Variants in RABEP1 observed in about 807,000 individuals in gnomAD.
The protein encoded by RABEP1 is rabaptin, RAB GTPase binding effector protein 1, also known as rab GTPase-binding effector protein 1.
In RABEP1, 51 loss-of-function variants were observed where a neutral mutation model predicts 123.4. The ratio of observed to expected loss-of-function variants is 0.41; its 90% CI spans 0.33 to 0.52. The LOEUF (loss-of-function observed/expected upper bound fraction) is 0.52. RABEP1 is among the 20% of genes least tolerant of loss of function. RABEP1 has a pLI of 0.16. For synonymous variants in RABEP1, 347 were observed against 355.2 expected (o/e 0.98, Z 0.26); for missense variants, 888 against 996.3 (o/e 0.89, Z 1.46).
intron 4 of RABEP1, among the ~76,000 whole-genome samples, chr17:5,336,020 T>C (rs912490401): frequency 6.6e-6 from 1 of 152,338 alleles, no homozygotes; most frequent in East Asian, 1.9e-4. Context: ...CATAATACCA[T>C]ATAATACTTG....
intron 5 of RABEP1, among the ~76,000 whole-genome samples, chr17:5,342,983 AGT>A (rs1231935018): frequency 6.6e-6 from 1 of 152,020 alleles, no homozygotes; most frequent in Admixed American, 6.5e-5. Context: ...TTTTTGGCTG[AGT>A]GTGGTGGCTC....
Position 5,377,120 on chromosome 17 carries a change from T to G in RABEP1, c.2030T>G (p.Leu677Arg). ...DFILPDTTEA[L>R]RELVLKYRED... is the part of the protein sequence containing the mutation. Reference sequence around the variant, plus strand: ...TCATTTGTTTCTTGAATCCAGGCACTGCGGGAGTTGGTATTAAAATACCGT... The same window carrying G: ...TCATTTGTTTCTTGAATCCAGGCACGGCGGGAGTTGGTATTAAAATACCGT... Residue 677 changes from leucine (L) to arginine (R), a missense_variant, in exon 14 of 18, where the codon CTG (leucine) becomes CGG (arginine). Transcript: ENST00000537505. The G allele has an allele frequency of 6.3e-7, 1 of 1,595,988 alleles. No individual in the cohort carries two copies. Among genetic ancestry groups the G allele is most frequent in the South Asian group, 1.2e-5 (1 of 86,600 alleles).
intron 2 of RABEP1, among the ~76,000 whole-genome samples, chr17:5,310,227 A>T (rs1284335564): frequency 1.3e-5 from 2 of 150,602 alleles, no homozygotes; most frequent in Non-Finnish European, 2.9e-5. Context: ...GATGTTTAAA[A>T]TTTTTTGCTT....
chr17:5,365,281 G>A, intron 11 of RABEP1, 43 bp downstream of exon 11: 1 of 1,276,828 alleles, frequency 7.8e-7, no homozygotes, highest in South Asian at 1.7e-5. Context: ...GGGATGACTG[G>A]GTTATTTAAA....
At chr17:5,331,003 G>A (rs1204034078) in intron 2 of RABEP1, among the ~76,000 whole-genome samples, 3 of 148,312 alleles carry the variant, frequency 2.0e-5, no homozygotes, top group African/African-American at 5.0e-5. Flanking sequence ...CAGCCTGTGC[G>A]ACAATTGAGA....
Position 5,384,078 on chromosome 17 carries a change from G to A in RABEP1, c.*855G>A, listed in dbSNP as rs754294504. 6.0e-5 allele frequency: 13 copies of A among 214,968 alleles called. No individual in the cohort carries two copies. Among genetic ancestry groups the A allele is most frequent in the Middle Eastern group, 1.5e-3 (1 of 688 alleles). 13.3% of individuals were successfully genotyped at this position (214,968 alleles called of 1,614,324 possible). A position where few individuals can be genotyped will look rare whatever the true frequency, so the allele number is the denominator to read the frequency against. ...AACATTAGTATACGTTTTTAAATAGGCTAATTTTTCAACTTGGATCATTAG... is the reference window on the plus strand; with the variant it reads ...AACATTAGTATACGTTTTTAAATAGACTAATTTTTCAACTTGGATCATTAG... On this transcript the variant is annotated 3_prime_UTR_variant, in exon 18 of 18. Coordinates refer to ENST00000537505, the MANE Select transcript of RABEP1 (RefSeq NM_004703.6).
In RABEP1 at chr17:5,384,164, A is replaced by G. The variant is rs1167809611; in HGVS notation, c.*941A>G. The G allele has an allele frequency of 4.7e-6, 1 of 214,502 alleles. No individual in the cohort carries two copies. The highest frequency in any genetic ancestry group is 5.8e-5 in the Admixed American group (1 of 17,124). The allele number at this position is 214,502 out of a possible 1,614,324, so 13.3% of individuals were successfully genotyped here. ...AAAAATGGTAACTAGGTTGACAGAT[A>G]CTTTGTATTTTTCTTTTGAATTCAG... On this transcript the variant is annotated 3_prime_UTR_variant, in exon 18 of 18. Coordinates refer to ENST00000537505, the MANE Select transcript of RABEP1 (RefSeq NM_004703.6).
Position 5,354,454 on chromosome 17 carries a change from T to G in RABEP1, c.1059T>G (p.Thr353=). 2 of 1,612,674 alleles carry G rather than the reference T, an allele frequency of 1.2e-6. 1 individual carries two copies. Among genetic ancestry groups the G allele is most frequent in the South Asian group, 2.2e-5 (2 of 90,812 alleles). The change falls in exon 8 of 18, where the codon ACT becomes ACG. Residue 353 remains threonine, a synonymous_variant. Transcript: ENST00000537505. ...AAATACCAGTAGTGTGTGCTTTAAC[T>G]CAAGAAGAATCTTCAGCCCAGTTAT... ...EIKIPVVCAL[T]QEESSAQLSN... is the part of the protein sequence containing the mutation.
intron 7 of RABEP1, among the ~76,000 whole-genome samples, chr17:5,353,025 A>G (rs1908698416): frequency 6.6e-6 from 1 of 152,222 alleles, no homozygotes; most frequent in Admixed American, 6.5e-5. Context: ...GTTCTAGAAT[A>G]GTAAACAGGC....
chr17:5,373,907 A>G (rs2144715378), intron 13 of RABEP1, among the ~76,000 whole-genome samples: 1 of 152,138 alleles, frequency 6.6e-6, no homozygotes, highest in East Asian at 1.9e-4. Flanking sequence ...ACGTAGCCTT[A>G]ATGTTTTGAA....
chr17:5,287,930 A>G (rs2309346), intron 1 of RABEP1, among the ~76,000 whole-genome samples: 92,392 of 151,842 alleles, frequency 0.61, 29,818 homozygotes, highest in East Asian at 0.96. Flanking sequence ...AATCACTCTG[A>G]CTGCTGGATT....
At chr17:5,300,838 C>T (rs1237089812) in intron 1 of RABEP1, among the ~76,000 whole-genome samples, 1 of 152,116 alleles carries the variant, frequency 6.6e-6, no homozygotes, top group African/African-American at 2.4e-5. Flanking sequence ...TATGAAGTTG[C>T]TTACAGAGTC....
At chr17:5,380,300 T>G in intron 15 of RABEP1, 64 bp from the exon 16 acceptor site, 4 of 1,112,850 alleles carry the variant, frequency 3.6e-6, no homozygotes, top group Non-Finnish European at 5.2e-6. Flanking sequence ...TCTAGGCTCT[T>G]TTAGGTAGTG....
chr17:5,337,924 C>G lies in RABEP1; in HGVS notation c.529-95C>G, dbSNP rs909894091. On this transcript the variant is annotated intron_variant, in intron 4 of 17. Coordinates refer to ENST00000537505, the MANE Select transcript of RABEP1 (RefSeq NM_004703.6). Reference sequence around the variant, plus strand: ...ATTAATATAGTGTCTGGTCAAGTTACTTGTTATAATAATTTTTAGCAAATG... The same window carrying G: ...ATTAATATAGTGTCTGGTCAAGTTAGTTGTTATAATAATTTTTAGCAAATG... The G allele has an allele frequency of 3.7e-6, 5 of 1,355,250 alleles. No individual in the cohort carries two copies. The Admixed American group carries it at 7.5e-5, about 20-fold the overall frequency. 84.0% of individuals were successfully genotyped at this position (1,355,250 alleles called of 1,614,324 possible). A position where few individuals can be genotyped will look rare whatever the true frequency, so the allele number is the denominator to read the frequency against.
chr17:5,314,982 A>G (rs1783306465), intron 2 of RABEP1, among the ~76,000 whole-genome samples: 1 of 152,246 alleles, frequency 6.6e-6, no homozygotes, highest in Non-Finnish European at 1.5e-5. Context: ...ACAGAACAAA[A>G]GGCCATATAG....
rs143623250 is a variant in RABEP1 at position 5,349,995 on chromosome 17, G to T, written c.785-456G>T. ...GACTCTGCTTTAAAGAGATGGTGTGGGGATAGGTTGCCCCTTGGTCCAGCC... is the reference window on the plus strand; with the variant it reads ...GACTCTGCTTTAAAGAGATGGTGTGTGGATAGGTTGCCCCTTGGTCCAGCC... On this transcript the variant is annotated intron_variant, in intron 6 of 17. Coordinates refer to ENST00000537505, the MANE Select transcript of RABEP1 (RefSeq NM_004703.6). Among the ~76,000 whole-genome samples, 1,471 of 152,252 alleles carry T rather than the reference G, an allele frequency of 9.7e-3. 24 individuals are homozygous for T. Among genetic ancestry groups the T allele is most frequent in the African/African-American group, 0.033 (1,384 of 41,538 alleles).
In RABEP1 at chr17:5,330,989, A is replaced by AC. The variant is rs765147116; in HGVS notation, c.164-959dup. Among the ~76,000 whole-genome samples the AC allele has an allele frequency of 9.4e-5, 13 of 137,744 alleles. No homozygotes were observed. In the East Asian group the frequency reaches 2.7e-3, roughly 29 times the overall value. The allele number at this position is 137,744 out of a possible 152,430, so 90.4% of individuals were successfully genotyped here. On this transcript the variant is annotated intron_variant, in intron 2 of 17. Coordinates refer to ENST00000537505, the MANE Select transcript of RABEP1 (RefSeq NM_004703.6). ...TAGTGGTCTATGTTTGCGTCACTGC[A>AC]CTCCAGCCTGTGCGACAATTGAGAC...
At chr17:5,297,959 C>T (rs1461372850) in intron 1 of RABEP1, among the ~76,000 whole-genome samples, 2 of 152,230 alleles carry the variant, frequency 1.3e-5, no homozygotes, top group African/African-American at 4.8e-5. Context: ...TTAACATCAG[C>T]GTTCTTTCCT....
At position 5,380,422 on chromosome 17, in the gene RABEP1, T is replaced by A; in HGVS notation, c.2330T>A (p.Ile777Asn). The change falls in exon 16 of 18, where the codon ATC becomes AAC. Residue 777 changes from isoleucine to asparagine, a missense_variant. Coordinates refer to ENST00000537505, the MANE Select transcript of RABEP1 (RefSeq NM_004703.6). ...CTTGAGAGTCTTCAGGAAATAAAGA[T>A]CAGTTTGGAAGAGCAGTTAAAGAAA... ...QQLESLQEIK[I>N]SLEEQLKKET... 6.4e-7 allele frequency: 1 copy of A among 1,569,976 alleles called. No individual in the cohort carries two copies. Among genetic ancestry groups the A allele is most frequent in the Non-Finnish European group, 8.7e-7 (1 of 1,155,910 alleles).
Sources: gnomAD v4.1 joint callset for allele counts (sites outside exome capture counted in the v4.1 genomes callset) on GRCh38, gnomAD v4.1.1 for gene constraint, MANE v1.5 for transcripts, NCBI Gene and HGNC (gene_info 2026-07-23, HGNC 2026-07-21) for gene names.